The following HAT1 variants were observed in gnomAD, a reference collection of about 807,000 sequenced individuals.
HAT1 encodes the protein histone acetyltransferase type B catalytic subunit.
Under a neutral mutation model 56.6 loss-of-function variants are expected in HAT1, and 20 were observed. The ratio of observed to expected loss-of-function variants is 0.35; its 90% confidence interval spans 0.25 to 0.51. HAT1 has a LOEUF of 0.51. Ranked by LOEUF, HAT1 falls within the 20% of genes least tolerant of loss-of-function variation. The pLI is 0.95. For missense variants in HAT1, 408 were observed against 504.3 expected (o/e 0.81, Z 1.83); for synonymous variants, 146 against 165.5 (o/e 0.88, Z 0.91).
intron 4 of HAT1, among the ~76,000 whole-genome samples, chr2:171,956,023 C>A (rs62182444): frequency 0.18 from 27,350 of 150,692 alleles, 2,853 homozygotes; most frequent in Non-Finnish European, 0.24. Context: ...CCAGCCTGGG[C>A]AACAGAGCGA....
intron 10 of HAT1, chr2:171,979,679 G>A (rs539965496): frequency 5.0e-6 from 1 of 200,958 alleles, no homozygotes; most frequent in Non-Finnish European, 1.0e-5. Context: ...TTGGTGGTGG[G>A]CGCCTGTAAT....
At chr2:171,970,022 G>A (rs1191357222) in intron 8 of HAT1, among the ~76,000 whole-genome samples, 1 of 152,060 alleles carries the variant, frequency 6.6e-6, no homozygotes, top group Non-Finnish European at 1.5e-5. Flanking sequence ...TGGATATGGT[G>A]TCACACACCT....
intron 8 of HAT1, among the ~76,000 whole-genome samples, chr2:171,970,543 G>A (rs1179612923): frequency 3.5e-4 from 31 of 88,890 alleles, no homozygotes; most frequent in African/African-American, 1.2e-3. Context: ...TTTTTGAGAC[G>A]GAGTCTCCCT....
At chr2:171,924,660 AT>A (rs2105959924) in intron 1 of HAT1, 1 of 152,304 alleles carries the variant, frequency 6.6e-6, no homozygotes, top group South Asian at 2.1e-4. Context: ...GGCATACATG[AT>A]TTTTAAATAT....
intron 2 of HAT1, among the ~76,000 whole-genome samples, chr2:171,938,309 C>A (rs962181432): frequency 2.0e-5 from 3 of 152,082 alleles, no homozygotes; most frequent in East Asian, 1.9e-4. Context: ...TAGCAGCAGT[C>A]CCCAACTTTT....
chr2:171,948,373 C>T (rs559384059), intron 3 of HAT1, among the ~76,000 whole-genome samples: 14 of 152,168 alleles, frequency 9.2e-5, no homozygotes, highest in African/African-American at 3.1e-4. Flanking sequence ...TACAGGCGCC[C>T]GCCACCACAC....
At position 171,957,729 on chromosome 2, in the gene HAT1, T is replaced by C. The variant is rs17615352; in HGVS notation, c.309+4728T>C. On this transcript the variant is annotated intron_variant, in intron 4 of 10. Transcript: ENST00000264108. ...TCCGAGCATTCCTCATTTAAGGGCA[T>C]TGAAACTTCACCATTGATTTTTTTA... Among the ~76,000 whole-genome samples, 5,190 of 152,288 alleles carry C rather than the reference T, an allele frequency of 0.034. 823 individuals are homozygous for C. The East Asian group carries it at 0.54, about 16-fold the overall frequency.
In HAT1 at chr2:171,952,944, A is replaced by AC; in HGVS notation, c.252_253insC (p.Thr85HisfsTer6). On this transcript the variant is annotated frameshift_variant, in exon 4 of 11. Transcript: ENST00000264108. LOFTEE classifies it high-confidence loss of function. ...TATACTATATTGCTGGTAGCCTGTC[A>AC]ACAATGTTCCGTGTTGAATATGCAT... The AC allele has an allele frequency of 6.3e-7, 1 of 1,596,032 alleles. No individual in the cohort carries two copies. Among genetic ancestry groups the AC allele is most frequent in the Non-Finnish European group, 8.6e-7 (1 of 1,163,822 alleles).
chr2:171,972,214 GT>G (rs11319894), intron 8 of HAT1, among the ~76,000 whole-genome samples: 84,406 of 141,388 alleles, frequency 0.6, 24,756 homozygotes, highest in East Asian at 0.82. Context: ...TTTTTCTTTT[GT>G]TTTTTTTTTT....
chr2:171,926,315 C>T (rs1421660259), intron 2 of HAT1, among the ~76,000 whole-genome samples: 5 of 151,928 alleles, frequency 3.3e-5, no homozygotes, highest in East Asian at 1.9e-4. Flanking sequence ...TTTTTTGAGA[C>T]GGAGTTTCAC....
At chr2:171,922,664 C>A in intron 1 of HAT1, 157 bp downstream of exon 1, 2 of 538,948 alleles carry the variant, frequency 3.7e-6, no homozygotes, top group Non-Finnish European at 2.9e-6. Flanking sequence ...CTCAGCCCAG[C>A]AGCTCCTTGT....
chr2:171,965,168 G>A (rs1687653727), intron 4 of HAT1, 170 bp from the exon 5 acceptor site: 1 of 569,786 alleles, frequency 1.8e-6, no homozygotes, highest in East Asian at 2.9e-5. Flanking sequence ...TTTGTGTGAT[G>A]CAGTTTGTGC....
chr2:171,982,585 A>G (rs967228109), intron 10 of HAT1, among the ~76,000 whole-genome samples: 2 of 152,192 alleles, frequency 1.3e-5, no homozygotes, highest in Non-Finnish European at 2.9e-5. Context: ...ACTCCTTAGC[A>G]TAGCGGTATC....
intron 2 of HAT1, among the ~76,000 whole-genome samples, chr2:171,935,327 C>T (rs1313662174): frequency 1.3e-5 from 2 of 149,934 alleles, no homozygotes; most frequent in East Asian, 2.0e-4. Context: ...CCAGCCTGGC[C>T]AACATGGTGA....
chr2:171,964,383 A>G (rs1026668763), intron 4 of HAT1, among the ~76,000 whole-genome samples: 2 of 152,186 alleles, frequency 1.3e-5, no homozygotes, highest in African/African-American at 4.8e-5. Context: ...GGCAAACTCC[A>G]TTAAGTAAAA....
chr2:171,982,784 TAATTAATGACTG>T (rs1381878029), intron 10 of HAT1, among the ~76,000 whole-genome samples: 3 of 152,230 alleles, frequency 2.0e-5, no homozygotes, highest in Non-Finnish European at 2.9e-5. Context: ...AAAATGTAAT[TAATTAATGACTG>T]AATAGTAAAA....
chr2:171,966,484 G>C lies in HAT1; in HGVS notation c.687G>C (p.Val229=), dbSNP rs377531801. The change falls in exon 7 of 11, where the codon GTG becomes GTC. Residue 229 remains valine (V), a synonymous_variant. Coordinates refer to ENST00000264108, the MANE Select transcript of HAT1 (RefSeq NM_003642.4). ...ACATGACAGTCTATAATTACTATGT[G>C]TACCCAGACAAAACCCGGCCACGTG... is the stretch of plus-strand genomic sequence containing the variant. ...VGYMTVYNYY[V]YPDKTRPRVS... The C allele has an allele frequency of 1.9e-6, 3 of 1,587,978 alleles. No homozygotes were observed. In the African/African-American group the frequency reaches 4.0e-5, roughly 21 times the overall value.
intron 2 of HAT1, among the ~76,000 whole-genome samples, chr2:171,933,202 G>A (rs1432054049): frequency 1.3e-5 from 2 of 152,022 alleles, no homozygotes; most frequent in African/African-American, 4.8e-5. Flanking sequence ...GACTACAGGT[G>A]TACACCACCA....
intron 2 of HAT1, among the ~76,000 whole-genome samples, chr2:171,940,452 A>T (rs902236726): frequency 6.6e-6 from 1 of 152,130 alleles, no homozygotes; most frequent in African/African-American, 2.4e-5. Context: ...CCACCTTTTG[A>T]ATTCGAGCCT....
Sources: gnomAD v4.1 joint callset for allele counts (sites outside exome capture counted in the v4.1 genomes callset) on GRCh38, gnomAD v4.1.1 for gene constraint, MANE v1.5 for transcripts, NCBI Gene and HGNC (gene_info 2026-07-23, HGNC 2026-07-21) for gene names.